R3HDM2: variants seen among roughly 807,000 people sequenced by gnomAD.
R3HDM2 encodes the protein R3H domain-containing protein 2.
R3HDM2 carries 38 observed loss-of-function variants against 124.5 expected under a neutral mutation model. The observed-to-expected ratio is 0.31, with a 90% confidence interval of 0.24 to 0.40. The LOEUF is 0.40. R3HDM2 is among the 10% of genes least tolerant of loss of function. The probability of loss-of-function intolerance (pLI) is 1.00; values close to 1 mark genes in which losing one functional copy is unlikely to be tolerated. For synonymous variants in R3HDM2, 391 were observed against 448.0 expected (o/e 0.87, Z 1.61); for missense variants, 869 against 1,236.9 (o/e 0.70, Z 4.46).
At position 57,359,425 on chromosome 12, in the gene R3HDM2, C is replaced by T. The variant is rs555768471; in HGVS notation, c.-36+36324G>A. Among the ~76,000 whole-genome samples the T allele has an allele frequency of 1.9e-4, 29 of 152,242 alleles. 2 individuals are homozygous for T. The South Asian group carries it at 4.8e-3, about 25-fold the overall frequency. ...TTAAGTCCTCTTGAAGAACTAACTC[C>T]TCTTTCATCATTAAATAAGCTGCTT... On this transcript the variant is annotated intron_variant, in intron 2 of 23. Transcript: ENST00000402412.
At chr12:57,373,531 T>A (rs1426575976) in intron 2 of R3HDM2, among the ~76,000 whole-genome samples, 1 of 149,736 alleles carries the variant, frequency 6.7e-6, no homozygotes, top group Non-Finnish European at 1.5e-5. Context: ...TAATAGAGGC[T>A]GGGCACAGTG....
At chr12:57,347,792 A>G (rs1280588627) in intron 2 of R3HDM2, among the ~76,000 whole-genome samples, 1 of 152,232 alleles carries the variant, frequency 6.6e-6, no homozygotes. Flanking sequence ...GAAACTAAAA[A>G]GAGGAGAACA....
At chr12:57,415,106 T>C (rs1348061710) in intron 1 of R3HDM2, among the ~76,000 whole-genome samples, 2 of 152,172 alleles carry the variant, frequency 1.3e-5, no homozygotes, top group African/African-American at 2.4e-5. Context: ...TTTCTAATAA[T>C]GAATATTATT....
chr12:57,319,601 GA>G (rs2055955300), intron 2 of R3HDM2, among the ~76,000 whole-genome samples: 1 of 152,098 alleles, frequency 6.6e-6, no homozygotes, highest in African/African-American at 2.4e-5. Context: ...CTTTGTAAAA[GA>G]AAACTTTACC....
intron 2 of R3HDM2, among the ~76,000 whole-genome samples, chr12:57,320,269 A>AAAAAAAAAAAAAAAAAC (rs2056163603): frequency 7.5e-6 from 1 of 133,508 alleles, no homozygotes; most frequent in Admixed American, 7.5e-5. Flanking sequence ...CTCAAAAAAA[A>AAAAAAAAAAAAAAAAAC]AAAAAAAAAA....
At chr12:57,326,142 C>T (rs1461318168) in intron 2 of R3HDM2, among the ~76,000 whole-genome samples, 2 of 152,160 alleles carry the variant, frequency 1.3e-5, no homozygotes, top group Non-Finnish European at 2.9e-5. Context: ...CCCAACTGTT[C>T]CCCGATCTCT....
At chr12:57,416,782 T>C (rs746576144) in intron 1 of R3HDM2, among the ~76,000 whole-genome samples, 15 of 151,878 alleles carry the variant, frequency 9.9e-5, no homozygotes, top group Admixed American at 6.6e-4. Flanking sequence ...CACTCCAGCC[T>C]GGGCAACAGA....
chr12:57,369,738 G>GT (rs1451031688), intron 2 of R3HDM2, among the ~76,000 whole-genome samples: 21 of 152,112 alleles, frequency 1.4e-4, no homozygotes, highest in Non-Finnish European at 3.1e-4. Context: ...GGAACAGTTC[G>GT]TAAGATTTCA....
intron 1 of R3HDM2, chr12:57,418,326 G>A (rs1442999175): frequency 2.0e-6 from 2 of 985,184 alleles, no homozygotes; most frequent in African/African-American, 3.5e-5. Context: ...AGAACATTTA[G>A]TTAACGGGGC....
intron 2 of R3HDM2, among the ~76,000 whole-genome samples, chr12:57,374,723 GTGGCTCACGCCTGTAA>G (rs2063811919): frequency 6.7e-6 from 1 of 148,206 alleles, no homozygotes. Flanking sequence ...GCCGGGCGCG[GTGGCTCACGCCTGTAA>G]TACTAGCACT....
chr12:57,394,514 G>A (rs543521058), intron 2 of R3HDM2, among the ~76,000 whole-genome samples: 1 of 152,192 alleles, frequency 6.6e-6, no homozygotes, highest in Admixed American at 6.5e-5. Flanking sequence ...GGAGGTTGCA[G>A]TGAGTGAACT....
In R3HDM2 at chr12:57,266,683, T is replaced by G. The variant is rs766827158; in HGVS notation, c.2131+48A>C. ...CTCTAGAGCACAGGCCCTTCAGCAATGTTTGCTCTTGTCAGTGCCCAAGAC... is the reference window on the plus strand; with the variant it reads ...CTCTAGAGCACAGGCCCTTCAGCAAGGTTTGCTCTTGTCAGTGCCCAAGAC... On this transcript the variant is annotated intron_variant, in intron 19 of 23. Transcript: ENST00000402412. 11 of 1,431,296 alleles carry G rather than the reference T, an allele frequency of 7.7e-6. No individual in the cohort carries two copies. In the South Asian group the frequency reaches 1.3e-4, roughly 17 times the overall value. 88.7% of individuals were successfully genotyped at this position (1,431,296 alleles called of 1,614,324 possible).
chr12:57,380,310 C>G (rs2064675606), intron 2 of R3HDM2, among the ~76,000 whole-genome samples: 1 of 152,078 alleles, frequency 6.6e-6, no homozygotes, highest in Admixed American at 6.6e-5. Flanking sequence ...CATTTCCCAA[C>G]TAAAGGTTAA....
At chr12:57,255,135 C>A (rs983472030) in intron 23 of R3HDM2, 22 bp from the exon 24 acceptor site, 1 of 1,551,386 alleles carries the variant, frequency 6.4e-7, no homozygotes, top group Admixed American at 1.9e-5. Flanking sequence ...GGAGAGAGGA[C>A]ATGGTTGTGA....
At chr12:57,292,089 G>A (rs191362391) in intron 11 of R3HDM2, among the ~76,000 whole-genome samples, 94 of 152,288 alleles carry the variant, frequency 6.2e-4, no homozygotes, top group African/African-American at 1.7e-3. Context: ...GCTCATAGAG[G>A]ATGGATGCCA....
At chr12:57,352,316 G>C (rs1010708725) in intron 2 of R3HDM2, among the ~76,000 whole-genome samples, 1 of 151,548 alleles carries the variant, frequency 6.6e-6, no homozygotes, top group African/African-American at 2.4e-5. Context: ...GTTATTGAAG[G>C]GTATAAATAA....
At chr12:57,418,392 G>C (rs1014551253) in intron 1 of R3HDM2, 4 of 965,320 alleles carry the variant, frequency 4.1e-6, no homozygotes, top group African/African-American at 1.8e-5. Context: ...TATTCCCAAC[G>C]GTGGTTGCGC....
chr12:57,255,903 C>G (rs946371003), intron 23 of R3HDM2, 87 bp downstream of exon 23: 11 of 1,192,168 alleles, frequency 9.2e-6, no homozygotes, highest in Non-Finnish European at 1.2e-5. Context: ...CCATCCTAAG[C>G]TGGCTTTTCC....
intron 20 of R3HDM2, among the ~76,000 whole-genome samples, 172 bp from the exon 21 acceptor site, chr12:57,258,309 A>ATTTT (rs550845249): frequency 1.2e-4 from 17 of 143,284 alleles, no homozygotes; most frequent in South Asian, 7.1e-4. Context: ...CATTTATGCT[A>ATTTT]TTTTATTTAT....
Sources: allele counts gnomAD v4.1 joint callset (sites outside exome capture counted in the v4.1 genomes callset), GRCh38; gene constraint gnomAD v4.1.1; transcripts MANE v1.5; gene names NCBI Gene and HGNC (gene_info 2026-07-23, HGNC 2026-07-21).